The following STK33 variants were observed in gnomAD, a reference collection of about 807,000 sequenced individuals.
STK33 encodes the protein serine/threonine-protein kinase 33.
Under a neutral mutation model 58.0 loss-of-function variants are expected in STK33, and 52 were observed. That is an observed-to-expected ratio of 0.90 (90% CI 0.72 to 1.13). STK33 has a LOEUF of 1.13. Ranked by LOEUF, STK33 falls within the 50% of genes most tolerant of loss-of-function variation. STK33 has a pLI of 0.00. For missense variants in STK33, 630 were observed against 604.2 expected, an observed-to-expected ratio of 1.04 and a Z score of -0.45; for synonymous variants, 215 against 200.1, an observed-to-expected ratio of 1.07 and a Z score of -0.63.
rs551629890 is a variant in STK33, at chr11:8,439,869, T to TTATATATATATATATATATATATATATA, written c.947+808_947+809insTATATATATATATATATATATATATATA. On this transcript the variant is annotated intron_variant, in intron 12 of 15. Transcript: ENST00000687296. ...AGATTACATATATATTATATTATAA[T>TTATATATATATATATATATATATATATA]TATATATATATATATATCAGAGGCT... Among the ~76,000 whole-genome samples, 888 of 106,818 alleles carry TTATATATATATATATATATATATATATA rather than the reference T, an allele frequency of 8.3e-3. 28 individuals carry two copies. The highest frequency in any genetic ancestry group is 0.012 in the African/African-American group (351 of 28,978). 70.1% of individuals were successfully genotyped at this position (106,818 alleles called of 152,430 possible). A position where few individuals can be genotyped will look rare whatever the true frequency, so the allele number is the denominator to read the frequency against.
intron 15 of STK33, among the ~76,000 whole-genome samples, chr11:8,398,265 A>G (rs1219083139): frequency 6.6e-6 from 1 of 152,254 alleles, no homozygotes; most frequent in African/African-American, 2.4e-5. Flanking sequence ...CTGATCTCTC[A>G]GCAGAAACTC....
chr11:8,461,410 T>C (rs1019780576), intron 8 of STK33, among the ~76,000 whole-genome samples: 7 of 152,186 alleles, frequency 4.6e-5, no homozygotes, highest in Admixed American at 2.0e-4. Flanking sequence ...GTGAAAAATA[T>C]ACCCATACCA....
In STK33 at chr11:8,474,990, G is replaced by C; in HGVS notation, c.-85C>G. On this transcript the variant is annotated 5_prime_UTR_variant, in exon 5 of 16. In the 5' UTR this introduces an upstream ATG that the reference lacks. Coordinates refer to ENST00000687296, the MANE Select transcript of STK33 (RefSeq NM_001352389.2). ...CCAGGCCAAAAAGGATAAGGTAGTTGATGGTGAAAACTGTAATTTCGAACT... is the reference window on the plus strand; with the variant it reads ...CCAGGCCAAAAAGGATAAGGTAGTTCATGGTGAAAACTGTAATTTCGAACT... 7.6e-7 allele frequency: 1 copy of C among 1,323,202 alleles called. No individual in the cohort carries two copies. Among genetic ancestry groups the C allele is most frequent in the East Asian group, 2.4e-5 (1 of 41,536 alleles). The allele number at this position is 1,323,202 out of a possible 1,614,324, so 82.0% of individuals were successfully genotyped here.
chr11:8,389,630 C>T (rs1395473742), downstream of STK33, among the ~76,000 whole-genome samples: 5 of 152,228 alleles, frequency 3.3e-5, no homozygotes, highest in Non-Finnish European at 7.3e-5. Flanking sequence ...TCTGTTCCAA[C>T]AGCGCGGCTG....
chr11:8,406,003 C>A (rs1186237736), intron 15 of STK33, among the ~76,000 whole-genome samples: 1 of 151,962 alleles, frequency 6.6e-6, no homozygotes, highest in Non-Finnish European at 1.5e-5. Context: ...ATTAGCCGGG[C>A]ATGGTGGCGG....
rs559372804 is a variant in STK33 at position 8,464,176 on chromosome 11, G to A, written c.453+533C>T. On this transcript the variant is annotated intron_variant, in intron 7 of 15. Transcript: ENST00000687296. ...TTTTATCGTCAAGAGAAGCTCAGTC[G>A]TTCCCCAGTTCAAGAGGAAATCTAG... 3.3e-5 allele frequency among the ~76,000 whole-genome samples: 5 copies of A among 152,254 alleles called. No individual in the cohort carries two copies. In the East Asian group the frequency reaches 5.8e-4, roughly 18 times the overall value.
At chr11:8,420,809 C>A (rs768546973) in intron 14 of STK33, among the ~76,000 whole-genome samples, 2 of 152,048 alleles carry the variant, frequency 1.3e-5, no homozygotes, top group Non-Finnish European at 2.9e-5. Context: ...CCAGCCTGGG[C>A]AACATAGGGA....
intron 14 of STK33, among the ~76,000 whole-genome samples, chr11:8,422,823 C>T (rs554596546): frequency 6.4e-4 from 96 of 151,066 alleles, no homozygotes; most frequent in African/African-American, 2.2e-3. Flanking sequence ...GATTTTTTTT[C>T]TCTCTCTCTT....
At chr11:8,520,815 C>T (rs1006892400) in intron 1 of STK33, among the ~76,000 whole-genome samples, 2 of 152,152 alleles carry the variant, frequency 1.3e-5, no homozygotes, top group Admixed American at 1.3e-4. Flanking sequence ...TCAAGGAGAA[C>T]TACAAACCAC....
intron 1 of STK33, among the ~76,000 whole-genome samples, chr11:8,518,868 T>C (rs548124305): frequency 6.9e-4 from 105 of 152,308 alleles, no homozygotes; most frequent in African/African-American, 2.5e-3. Context: ...ATGAAGAGAC[T>C]TAGACTCCCA....
the STK33 span, among the ~76,000 whole-genome samples, chr11:8,378,233 T>C: frequency 6.6e-6 from 1 of 152,136 alleles, no homozygotes; most frequent in Non-Finnish European, 1.5e-5. Flanking sequence ...GGAAGCCCCT[T>C]AAAAAACCAT....
At chr11:8,384,662 C>T in the STK33 span, among the ~76,000 whole-genome samples, 2 of 152,234 alleles carry the variant, frequency 1.3e-5, no homozygotes, top group Non-Finnish European at 2.9e-5. Context: ...AGAAAAAACG[C>T]TGACGTATGC....
chr11:8,426,799 G>A (rs1249537715), intron 14 of STK33, among the ~76,000 whole-genome samples: 1 of 151,912 alleles, frequency 6.6e-6, no homozygotes, highest in Non-Finnish European at 1.5e-5. Flanking sequence ...TTAATTTTCA[G>A]TCTCTGCCCC....
At chr11:8,398,041 G>T (rs1035901431) in intron 15 of STK33, among the ~76,000 whole-genome samples, 2 of 152,300 alleles carry the variant, frequency 1.3e-5, no homozygotes, top group Admixed American at 6.5e-5. Context: ...CACTCTGCAC[G>T]ATATTATCCA....
At chr11:8,427,742 G>A (rs1318252808) in intron 14 of STK33, among the ~76,000 whole-genome samples, 1 of 151,994 alleles carries the variant, frequency 6.6e-6, no homozygotes, top group African/African-American at 2.4e-5. Flanking sequence ...CTATATCACT[G>A]CATTCTATAT....
At chr11:8,591,625 T>C (rs1452162858) in intron 1 of STK33, among the ~76,000 whole-genome samples, 2 of 152,138 alleles carry the variant, frequency 1.3e-5, no homozygotes, top group Non-Finnish European at 2.9e-5. Flanking sequence ...GAAACCGCAA[T>C]GTCTCTGCAA....
chr11:8,457,226 T>A, intron 9 of STK33, 115 bp downstream of exon 9: 2 of 899,788 alleles, frequency 2.2e-6, no homozygotes, highest in Non-Finnish European at 3.0e-6. Context: ...AAAAATTAAA[T>A]CTTCTATATT....
intron 1 of STK33, among the ~76,000 whole-genome samples, chr11:8,508,199 G>A (rs1047250548): frequency 5.3e-5 from 8 of 150,974 alleles, no homozygotes; most frequent in African/African-American, 2.0e-4. Flanking sequence ...CCAACAAATA[G>A]GTTTTTACAT....
the STK33 span, among the ~76,000 whole-genome samples, chr11:8,373,986 C>A: frequency 6.6e-6 from 1 of 152,228 alleles, no homozygotes; most frequent in East Asian, 1.9e-4. Flanking sequence ...TGTCTTCTTT[C>A]ATCTCAGGCC....
Sources: allele counts gnomAD v4.1 joint callset (sites outside exome capture counted in the v4.1 genomes callset), GRCh38; gene constraint gnomAD v4.1.1; transcripts MANE v1.5; gene names NCBI Gene and HGNC (gene_info 2026-07-23, HGNC 2026-07-21).